LARGE1: variants seen among roughly 807,000 people sequenced by gnomAD.
LARGE1 encodes the protein LARGE xylosyl- and glucuronyltransferase 1.
LARGE1 carries 43 observed loss-of-function variants against 87.6 expected under a neutral mutation model. The ratio of observed to expected loss-of-function variants is 0.49; its 90% confidence interval spans 0.38 to 0.63. LARGE1 has a LOEUF of 0.63. LARGE1 is among the 30% of genes least tolerant of loss of function. The pLI, the probability that LARGE1 is intolerant of heterozygous loss-of-function variation, is 0.00. For missense variants in LARGE1, 802 were observed against 1,000.2 expected (o/e 0.80, Z 2.67); for synonymous variants, 434 against 394.6 (o/e 1.10, Z -1.18).
intron 6 of LARGE1, among the ~76,000 whole-genome samples, chr22:33,513,782 C>T (rs2071161622): frequency 1.4e-5 from 2 of 147,882 alleles, no homozygotes; most frequent in East Asian, 4.0e-4. Flanking sequence ...ATGCCAGATA[C>T]AGAAAGCTCT....
At chr22:33,419,288 G>C (rs775406040) in intron 7 of LARGE1, among the ~76,000 whole-genome samples, 6 of 151,804 alleles carry the variant, frequency 4.0e-5, no homozygotes, top group Non-Finnish European at 8.8e-5. Flanking sequence ...TTGACACATG[G>C]GGATTACAAT....
the LARGE1 span, among the ~76,000 whole-genome samples, chr22:33,128,503 C>T: frequency 1.3e-5 from 2 of 151,852 alleles, no homozygotes; most frequent in South Asian, 2.1e-4. Flanking sequence ...GGTGAAACCA[C>T]GTCTCTATTA....
intron 12 of LARGE1, among the ~76,000 whole-genome samples, chr22:33,302,721 G>C (rs1052146026): frequency 1.2e-4 from 19 of 152,280 alleles, no homozygotes; most frequent in African/African-American, 4.1e-4. Context: ...GACCTTGCCT[G>C]GTTTGCGACA....
chr22:33,171,660 T>C (rs765128801), intron 11 of LARGE1, among the ~76,000 whole-genome samples: 1 of 152,120 alleles, frequency 6.6e-6, no homozygotes, highest in Non-Finnish European at 1.5e-5. Context: ...TTCCACGTGG[T>C]GATAGGCCTG....
intron 11 of LARGE1, among the ~76,000 whole-genome samples, chr22:33,217,478 G>A (rs1255005597): frequency 6.6e-6 from 1 of 152,184 alleles, no homozygotes; most frequent in East Asian, 1.9e-4. Context: ...CAAACATAAT[G>A]TGGGGCAGAA....
At chr22:33,907,982 G>C (rs1423849716) in intron 1 of LARGE1, among the ~76,000 whole-genome samples, 1 of 152,200 alleles carries the variant, frequency 6.6e-6, no homozygotes, top group Non-Finnish European at 1.5e-5. Context: ...AGGCATCAGT[G>C]TACCCCAGGA....
chr22:33,681,208 G>T (rs1387496118), intron 2 of LARGE1, among the ~76,000 whole-genome samples: 1 of 152,132 alleles, frequency 6.6e-6, no homozygotes, highest in African/African-American at 2.4e-5. Context: ...AATAGCTGGG[G>T]CTGTATTGCT....
chr22:33,206,764 G>GT (rs1029943196), intron 11 of LARGE1, among the ~76,000 whole-genome samples: 18 of 152,264 alleles, frequency 1.2e-4, no homozygotes, highest in African/African-American at 4.1e-4. Flanking sequence ...CTCATAAATA[G>GT]TTTTTTGAAC....
chr22:33,604,647 G>T, intron 4 of LARGE1, 89 bp from the exon 5 acceptor site: 1 of 1,516,420 alleles, frequency 6.6e-7, no homozygotes, highest in Non-Finnish European at 9.1e-7. Context: ...CAGTTCCTAC[G>T]GTGGGGCACG....
chr22:33,704,626 A>G, intron 2 of LARGE1, among the ~76,000 whole-genome samples: 1 of 152,158 alleles, frequency 6.6e-6, no homozygotes, highest in East Asian at 1.9e-4. Context: ...CCACCTACAC[A>G]TGGTCCCTAC....
At chr22:33,658,534 C>T (rs187628160) in intron 2 of LARGE1, among the ~76,000 whole-genome samples, 56 of 152,250 alleles carry the variant, frequency 3.7e-4, no homozygotes, top group African/African-American at 1.2e-3. Context: ...TGAGAACATG[C>T]GATTTTTGGT....
chr22:33,651,406 A>AAG (rs1304548309), intron 2 of LARGE1, among the ~76,000 whole-genome samples: 1 of 149,674 alleles, frequency 6.7e-6, no homozygotes, highest in African/African-American at 2.5e-5. Context: ...AAAAAAAAAA[A>AAG]AAAAGAAAAA....
At chr22:33,237,578 G>C (rs1308360345) in intron 11 of LARGE1, among the ~76,000 whole-genome samples, 3 of 151,814 alleles carry the variant, frequency 2.0e-5, no homozygotes, top group African/African-American at 7.3e-5. Context: ...AAAGTAATAA[G>C]AAATAGAAAT....
chr22:33,190,893 G>A lies in LARGE1; in HGVS notation c.1731-24061C>T, dbSNP rs181466291. Among the ~76,000 whole-genome samples the A allele has an allele frequency of 2.1e-3, 326 of 152,244 alleles. 1 individual carries two copies. The highest frequency in any genetic ancestry group is 3.7e-3 in the Non-Finnish European group (253 of 68,018). On this transcript the variant is annotated intron_variant, in intron 11 of 11. Coordinates refer to the LARGE1 transcript ENST00000608642. ...CTCAACTTAAGCATCTTGTATCCTG[G>A]GAAATCTTTTTTTGCCTTTCCCATA...
chr22:33,477,990 A>G (rs1420045997), intron 6 of LARGE1, among the ~76,000 whole-genome samples: 1 of 151,944 alleles, frequency 6.6e-6, no homozygotes, highest in African/African-American at 2.4e-5. Flanking sequence ...CCCTCCTCTA[A>G]CTCAATGGCT....
intron 2 of LARGE1, among the ~76,000 whole-genome samples, chr22:33,661,395 G>A (rs1603034031): frequency 6.6e-6 from 1 of 151,922 alleles, no homozygotes; most frequent in East Asian, 1.9e-4. Flanking sequence ...TGCATTTTTA[G>A]TAGAGACGGG....
chr22:33,895,551 C>A (rs1211420839), intron 1 of LARGE1, among the ~76,000 whole-genome samples: 1 of 152,172 alleles, frequency 6.6e-6, no homozygotes. Context: ...CTGCAAGCTC[C>A]CTCCTGTGCT....
intron 7 of LARGE1, among the ~76,000 whole-genome samples, chr22:33,416,243 AC>A (rs2066480064): frequency 6.6e-6 from 1 of 152,078 alleles, no homozygotes; most frequent in African/African-American, 2.4e-5. Flanking sequence ...TACAAGCTGC[AC>A]CTTCAGTGAA....
intron 4 of LARGE1, among the ~76,000 whole-genome samples, chr22:33,607,171 G>C (rs766908644): frequency 3.9e-5 from 6 of 152,058 alleles, no homozygotes; most frequent in Admixed American, 6.5e-5. Flanking sequence ...ATCCGATTAA[G>C]ACAGTGTTGG....
Sources: gnomAD v4.1 joint callset for allele counts (sites outside exome capture counted in the v4.1 genomes callset) on GRCh38, gnomAD v4.1.1 for gene constraint, MANE v1.5 for transcripts, NCBI Gene and HGNC (gene_info 2026-07-23, HGNC 2026-07-21) for gene names.